The following CCDC102B variants were observed in gnomAD, a reference collection of about 807,000 sequenced individuals.
CCDC102B encodes the protein coiled-coil domain-containing protein 102B.
CCDC102B carries 75 observed loss-of-function variants against 57.4 expected under a neutral mutation model. The observed-to-expected ratio is 1.31, with a 90% CI of 1.08 to 1.58. The LOEUF (loss-of-function observed/expected upper bound fraction) is 1.58, where lower values mean the gene tolerates loss of function less well. Ranked by LOEUF, CCDC102B falls within the 40% of genes most tolerant of loss-of-function variation. The probability of loss-of-function intolerance (pLI) is 0.00; values close to 1 mark genes in which losing one functional copy is unlikely to be tolerated. For synonymous variants in CCDC102B, 206 were observed against 201.9 expected, an observed-to-expected ratio of 1.02 and a Z score of -0.17; for missense variants, 636 against 582.6, an observed-to-expected ratio of 1.09 and a Z score of -0.94.
At chr18:68,934,755 C>T (rs927489199) in intron 6 of CCDC102B, among the ~76,000 whole-genome samples, 10 of 151,212 alleles carry the variant, frequency 6.6e-5, no homozygotes, top group South Asian at 2.1e-4. Context: ...TATATTCAAA[C>T]GTAGTTATGA....
At chr18:68,927,861 T>C (rs752452523) in intron 6 of CCDC102B, among the ~76,000 whole-genome samples, 2 of 151,798 alleles carry the variant, frequency 1.3e-5, no homozygotes, top group African/African-American at 2.4e-5. Flanking sequence ...GTAAATGAGA[T>C]TGGTACACTG....
chr18:68,950,347 A>G (rs1420382450), intron 6 of CCDC102B, among the ~76,000 whole-genome samples: 1 of 152,116 alleles, frequency 6.6e-6, no homozygotes, highest in East Asian at 1.9e-4. Flanking sequence ...ATATTTGGGC[A>G]TTTGTATACT....
At position 68,883,038 on chromosome 18, in the gene CCDC102B, C is replaced by G. The variant is rs1014398215; in HGVS notation, c.1053+8253C>G. On this transcript the variant is annotated intron_variant, in intron 5 of 7. Transcript: ENST00000360242. Reference sequence around the variant, plus strand: ...CAACTAATGGGTATTAGGCTTAATACCTGAGTGATGAAATAATCTGTTTAA... The same window carrying G: ...CAACTAATGGGTATTAGGCTTAATAGCTGAGTGATGAAATAATCTGTTTAA... Among the ~76,000 whole-genome samples, 3 of 152,204 alleles carry G rather than the reference C, an allele frequency of 2.0e-5. No individual in the cohort carries two copies. In the East Asian group the frequency reaches 5.8e-4, roughly 29 times the overall value.
At chr18:68,756,285 T>C (rs770058566) in intron 2 of CCDC102B, among the ~76,000 whole-genome samples, 18 of 146,900 alleles carry the variant, frequency 1.2e-4, no homozygotes, top group African/African-American at 2.1e-4. Flanking sequence ...CTATAGCTTC[T>C]AAAAGAAATA....
chr18:68,762,334 A>C (rs1344089083), intron 2 of CCDC102B, among the ~76,000 whole-genome samples: 2 of 152,128 alleles, frequency 1.3e-5, no homozygotes, highest in Non-Finnish European at 2.9e-5. Flanking sequence ...ATTTATTATA[A>C]CTAAATTTTG....
chr18:68,844,963 T>C (rs1413761386), intron 3 of CCDC102B, among the ~76,000 whole-genome samples: 1 of 135,652 alleles, frequency 7.4e-6, no homozygotes, highest in Non-Finnish European at 1.6e-5. Flanking sequence ...ATATATTTGC[T>C]ATGTTAATAA....
At chr18:69,019,528 G>C (rs1320681832) in intron 7 of CCDC102B, among the ~76,000 whole-genome samples, 8 of 151,886 alleles carry the variant, frequency 5.3e-5, no homozygotes, top group Non-Finnish European at 1.0e-4. Flanking sequence ...TGTTCAGATA[G>C]TTTGTTTTTG....
At chr18:69,026,428 A>G (rs955933715) in intron 7 of CCDC102B, among the ~76,000 whole-genome samples, 3 of 148,990 alleles carry the variant, frequency 2.0e-5, no homozygotes, top group African/African-American at 2.5e-5. Flanking sequence ...GATGACACCA[A>G]TGCACTCACT....
At chr18:68,952,114 G>T (rs1772894885) in intron 6 of CCDC102B, among the ~76,000 whole-genome samples, 1 of 151,984 alleles carries the variant, frequency 6.6e-6, no homozygotes, top group African/African-American at 2.4e-5. Context: ...TGCACCAATG[G>T]CCTATAAAAT....
At chr18:68,944,125 A>C (rs2049465479) in intron 6 of CCDC102B, among the ~76,000 whole-genome samples, 1 of 152,082 alleles carries the variant, frequency 6.6e-6, no homozygotes, top group African/African-American at 2.4e-5. Flanking sequence ...CTGCTTACAC[A>C]GGTTAACTCC....
chr18:68,784,651 A>G (rs954404334), intron 2 of CCDC102B, among the ~76,000 whole-genome samples: 1 of 152,180 alleles, frequency 6.6e-6, no homozygotes, highest in African/African-American at 2.4e-5. Context: ...GATCCTTGTA[A>G]TATTAGAAAA....
At chr18:69,025,021 A>T (rs2051945716) in intron 7 of CCDC102B, among the ~76,000 whole-genome samples, 1 of 152,144 alleles carries the variant, frequency 6.6e-6, no homozygotes, top group Non-Finnish European at 1.5e-5. Context: ...TAATTTCTCA[A>T]GGGAATAAAA....
rs2040551912 is a variant in CCDC102B, at chr18:68,904,338, A to G, written c.1263+6910A>G. On this transcript the variant is annotated intron_variant, in intron 6 of 7. Coordinates refer to ENST00000360242, the MANE Select transcript of CCDC102B (RefSeq NM_024781.3). The stretch of plus-strand genomic sequence containing the variant: ...ATTTTGGTAATTAAATTGGAAAATC[A>G]TTTATTTTGAAGAATGTCCTGCTTG... Among the ~76,000 whole-genome samples the G allele has an allele frequency of 3.3e-5, 5 of 152,324 alleles. No individual in the cohort carries two copies. The South Asian group carries it at 1.0e-3, about 32-fold the overall frequency.
chr18:68,741,710 CA>C lies in CCDC102B; in HGVS notation c.-67+25117del, dbSNP rs1568227182. On this transcript the variant is annotated intron_variant, in intron 2 of 3. Transcript: ENST00000578970. Reference sequence around the variant, plus strand: ...ACACACACACACACACACACACACACACACCCCAAGACAATATAGAAAGGTT... The same window carrying C: ...ACACACACACACACACACACACACACCACCCCAAGACAATATAGAAAGGTT... Among the ~76,000 whole-genome samples the C allele has an allele frequency of 1.7e-3, 173 of 100,060 alleles. 2 individuals are homozygous for C. Among genetic ancestry groups the C allele is most frequent in the African/African-American group, 6.0e-3 (143 of 23,764 alleles). The allele number at this position is 100,060 out of a possible 152,430, so 65.6% of individuals were successfully genotyped here.
intron 1 of CCDC102B, among the ~76,000 whole-genome samples, chr18:68,812,278 A>C (rs904913936): frequency 5.2e-4 from 79 of 152,138 alleles, no homozygotes; most frequent in African/African-American, 1.9e-3. Flanking sequence ...AAAGTATCCA[A>C]TAGCTTTCAT....
intron 2 of CCDC102B, among the ~76,000 whole-genome samples, chr18:68,755,408 A>G (rs2145255342): frequency 6.6e-6 from 1 of 152,312 alleles, no homozygotes. Context: ...AAGAGAGAAC[A>G]ACCATGGAAT....
chr18:68,869,693 T>TTC (rs2039154807), intron 4 of CCDC102B, among the ~76,000 whole-genome samples: 1 of 152,042 alleles, frequency 6.6e-6, no homozygotes, highest in Admixed American at 6.6e-5. Context: ...CTGATGATAG[T>TTC]TTCTTTTGCT....
chr18:68,937,146 A>G (rs1162000690), intron 6 of CCDC102B, among the ~76,000 whole-genome samples: 2 of 152,054 alleles, frequency 1.3e-5, no homozygotes, highest in East Asian at 1.9e-4. Context: ...TATAACTCAT[A>G]GGGAGTAAAA....
intron 6 of CCDC102B, chr18:68,897,859 T>G (rs1025473660): frequency 9.2e-6 from 2 of 218,362 alleles, no homozygotes; most frequent in African/African-American, 4.7e-5. Flanking sequence ...TAGCTGAAAC[T>G]CACTGCTTTC....
Sources: gnomAD v4.1 joint callset for allele counts (sites outside exome capture counted in the v4.1 genomes callset) on GRCh38, gnomAD v4.1.1 for gene constraint, MANE v1.5 for transcripts, NCBI Gene and HGNC (gene_info 2026-07-23, HGNC 2026-07-21) for gene names.